The following CFAP20DC variants were observed in gnomAD, a reference collection of about 807,000 sequenced individuals.
CFAP20DC encodes CFAP20 domain containing.
In CFAP20DC, 84 loss-of-function variants were observed where a neutral mutation model predicts 101.7. That is an observed-to-expected ratio of 0.83 (90% CI 0.69 to 0.99). CFAP20DC has a LOEUF of 0.99. Among genes scored for constraint, CFAP20DC ranks in the 50% least tolerant of loss-of-function variants. CFAP20DC has a pLI of 0.00. For missense variants in CFAP20DC, 1,007 were observed against 970.3 expected (o/e 1.04, Z -0.50); for synonymous variants, 359 against 351.2 (o/e 1.02, Z -0.25).
At chr3:58,960,283 G>C (rs188579725) in intron 4 of CFAP20DC, among the ~76,000 whole-genome samples, 1 of 150,734 alleles carries the variant, frequency 6.6e-6, no homozygotes, top group African/African-American at 2.4e-5. Context: ...ACCTGAGGTC[G>C]GGAGTTCGGG....
rs184510690 is a variant in CFAP20DC, at chr3:58,878,046, A to T, written c.715+6499T>A. ...AGCAGGCACATGCAGAATGTAGGGG[A>T]ACTGTGGCTAATTTGAGAGTGCAAG... On this transcript the variant is annotated intron_variant, in intron 7 of 16. Coordinates refer to ENST00000482387, the MANE Select transcript of CFAP20DC (RefSeq NM_001394063.1). Among the ~76,000 whole-genome samples, 50 of 152,308 alleles carry T rather than the reference A, an allele frequency of 3.3e-4. 2 individuals carry two copies. In the East Asian group the frequency reaches 9.7e-3, roughly 29 times the overall value.
At chr3:58,765,504 A>AC (rs1449124245) in intron 15 of CFAP20DC, among the ~76,000 whole-genome samples, 52 of 150,978 alleles carry the variant, frequency 3.4e-4, no homozygotes, top group African/African-American at 1.1e-3. Flanking sequence ...AAAAAAAAAA[A>AC]AAACAAACAG....
rs536484929 is a variant in CFAP20DC, at chr3:58,910,633, AAT to A, written c.550+3073_550+3074del. ...ATGTGATGAGCTATCTCAATCTGAA[AAT>A]ATCTGTCCTTGAATTTTGGGAAATC... On this transcript the variant is annotated intron_variant, in intron 6 of 16. Transcript: ENST00000482387. Among the ~76,000 whole-genome samples, 312 of 152,186 alleles carry A rather than the reference AAT, an allele frequency of 2.1e-3. 2 individuals carry two copies. Among genetic ancestry groups the A allele is most frequent in the African/African-American group, 7.3e-3 (305 of 41,542 alleles).
At chr3:58,860,104 G>A (rs952004561) in intron 12 of CFAP20DC, among the ~76,000 whole-genome samples, 3 of 149,856 alleles carry the variant, frequency 2.0e-5, no homozygotes, top group African/African-American at 7.4e-5. Flanking sequence ...TTGAACCAGG[G>A]AGTCGGAGGT....
chr3:58,768,942 A>T (rs946521667), intron 15 of CFAP20DC, among the ~76,000 whole-genome samples: 1 of 152,162 alleles, frequency 6.6e-6, no homozygotes, highest in Non-Finnish European at 1.5e-5. Flanking sequence ...GCATACTCAC[A>T]TTAGGAGGAA....
intron 15 of CFAP20DC, among the ~76,000 whole-genome samples, chr3:58,770,597 G>T (rs1295373719): frequency 6.6e-6 from 1 of 152,212 alleles, no homozygotes; most frequent in Non-Finnish European, 1.5e-5. Context: ...ATTCTAGAAG[G>T]AACAGCATGA....
chr3:58,817,338 C>G (rs1008386724), intron 14 of CFAP20DC, among the ~76,000 whole-genome samples: 11 of 152,184 alleles, frequency 7.2e-5, no homozygotes, highest in African/African-American at 2.6e-4. Context: ...GATCAAATTA[C>G]TCTGAGCTAT....
intron 5 of CFAP20DC, among the ~76,000 whole-genome samples, chr3:58,929,194 G>A (rs2086307134): frequency 6.6e-6 from 1 of 152,104 alleles, no homozygotes. Context: ...ACTTATAATG[G>A]AAAGATGGCA....
rs1231462961 is a variant in CFAP20DC, at chr3:58,849,361, C to T, written c.1642G>A (p.Glu548Lys). The T allele has an allele frequency of 1.2e-5, 18 of 1,535,260 alleles. No individual in the cohort carries two copies. The highest frequency in any genetic ancestry group is 1.1e-5 in the Non-Finnish European group (13 of 1,146,306). ...CTCTCTAATGTTAACTGAGTTAACTCTGAAGGACCAGTTGTTGGGCCTCGA... is the reference window on the plus strand; with the variant it reads ...CTCTCTAATGTTAACTGAGTTAACTTTGAAGGACCAGTTGTTGGGCCTCGA... ...GSRGPTTGPS[E>K]LTQLTLESLL... The change falls in exon 13 of 17, where the codon GAG becomes AAG. Residue 548 changes from glutamate (E) to lysine (K), a missense_variant. Coordinates refer to ENST00000482387, the MANE Select transcript of CFAP20DC (RefSeq NM_001394063.1).
At chr3:58,920,137 G>A (rs752644813) in intron 5 of CFAP20DC, among the ~76,000 whole-genome samples, 1 of 124,108 alleles carries the variant, frequency 8.1e-6, no homozygotes, top group Non-Finnish European at 1.6e-5. Context: ...CTGGAGTGTA[G>A]TGACATGATC....
intron 14 of CFAP20DC, among the ~76,000 whole-genome samples, chr3:58,814,471 A>C (rs2074950158): frequency 1.3e-5 from 2 of 150,606 alleles, no homozygotes; most frequent in Admixed American, 6.6e-5. Context: ...CTCTCTCACC[A>C]CTCCTATTCA....
intron 4 of CFAP20DC, among the ~76,000 whole-genome samples, chr3:58,998,801 C>T (rs1178531744): frequency 6.6e-6 from 1 of 152,230 alleles, no homozygotes; most frequent in Non-Finnish European, 1.5e-5. Flanking sequence ...AACAAAGATG[C>T]AGTCTACCTA....
intron 4 of CFAP20DC, among the ~76,000 whole-genome samples, chr3:58,992,980 T>G (rs935585409): frequency 2.0e-5 from 3 of 152,184 alleles, no homozygotes; most frequent in Non-Finnish European, 2.9e-5. Context: ...TTCAAGAATC[T>G]AACTCCTTGT....
At chr3:58,891,351 C>T (rs1356819087) in intron 6 of CFAP20DC, among the ~76,000 whole-genome samples, 1 of 150,972 alleles carries the variant, frequency 6.6e-6, no homozygotes, top group Admixed American at 6.6e-5. Context: ...TGCAGTGAGC[C>T]GAGATGGCAG....
chr3:58,922,462 C>G (rs2085487887), intron 5 of CFAP20DC, among the ~76,000 whole-genome samples: 1 of 152,132 alleles, frequency 6.6e-6, no homozygotes, highest in Admixed American at 6.5e-5. Context: ...GGAGGCAGAT[C>G]CCTCATGAAT....
At chr3:58,870,812 C>T (rs1441375966) in intron 7 of CFAP20DC, among the ~76,000 whole-genome samples, 9 of 137,102 alleles carry the variant, frequency 6.6e-5, no homozygotes, top group African/African-American at 1.3e-4. Context: ...GGCGTGAACC[C>T]GGGAAGCGGA....
Position 58,863,053 on chromosome 3 carries a change from T to C in CFAP20DC, c.1593+505A>G, listed in dbSNP as rs972634345. 3 of 990,184 alleles carry C rather than the reference T, an allele frequency of 3.0e-6. No homozygotes were observed. The highest frequency in any genetic ancestry group is 3.5e-5 in the African/African-American group (2 of 57,446). 61.3% of individuals were successfully genotyped at this position (990,184 alleles called of 1,614,324 possible). On this transcript the variant is annotated intron_variant, in intron 12 of 16. Transcript: ENST00000482387. The surrounding 1 kb of genome is among the most constrained non-coding windows in gnomAD (Gnocchi z 5.9). The stretch of plus-strand genomic sequence containing the variant: ...AGTCCCAGCACTAATCCACGACTCA[T>C]TATCTAAACTTTAATTGGCACAACT...
intron 15 of CFAP20DC, among the ~76,000 whole-genome samples, chr3:58,773,973 T>C (rs1191753119): frequency 6.6e-6 from 1 of 151,818 alleles, no homozygotes; most frequent in African/African-American, 2.4e-5. Context: ...TTTAATATTA[T>C]GTTTTAATTT....
Position 58,913,648 on chromosome 3 carries a change from A to G in CFAP20DC, c.550+60T>C, listed in dbSNP as rs770201143. The G allele has an allele frequency of 3.3e-6, 5 of 1,537,972 alleles. No homozygotes were observed. The highest frequency in any genetic ancestry group is 4.5e-6 in the Non-Finnish European group (5 of 1,111,924). The stretch of plus-strand genomic sequence containing the variant: ...CACACACTCATACTATCCCAAAGGT[A>G]TGGCTAATTTTAAAAATACATCAGA... On this transcript the variant is annotated intron_variant, in intron 6 of 16. Transcript: ENST00000482387. This position sits in a 1 kb window ranked among gnomAD's most constrained non-coding sequence, Gnocchi z 4.4.
Sources: gnomAD v4.1 joint callset for allele counts (sites outside exome capture counted in the v4.1 genomes callset) on GRCh38, gnomAD v4.1.1 for gene constraint, Gnocchi (gnomAD v3.1) non-coding constraint, MANE v1.5 for transcripts, NCBI Gene and HGNC (gene_info 2026-07-23, HGNC 2026-07-21) for gene names.